The following NR3C2 variants were observed in gnomAD, a reference collection of about 807,000 sequenced individuals.
The protein encoded by NR3C2 is nuclear receptor subfamily 3 group C member 2.
In NR3C2, 15 loss-of-function variants were observed where a neutral mutation model predicts 86.4. That is an observed-to-expected ratio of 0.17 (90% CI 0.12 to 0.27). The LOEUF (loss-of-function observed/expected upper bound fraction) is 0.27. NR3C2 is among the 10% of genes least tolerant of loss of function. The pLI is 1.00. For missense variants in NR3C2, 960 were observed against 1,195.6 expected (o/e 0.80, Z 2.91); for synonymous variants, 458 against 450.5 (o/e 1.02, Z -0.21).
chr4:148,204,054 C>A (rs936913598), intron 3 of NR3C2, among the ~76,000 whole-genome samples: 2 of 152,126 alleles, frequency 1.3e-5, no homozygotes, highest in Non-Finnish European at 1.5e-5. Flanking sequence ...AAAATTCCCA[C>A]ATAAACATTC....
At chr4:148,303,225 T>C (rs910590400) in intron 2 of NR3C2, among the ~76,000 whole-genome samples, 1 of 152,222 alleles carries the variant, frequency 6.6e-6, no homozygotes, top group Non-Finnish European at 1.5e-5. Context: ...TTAGTTGTTT[T>C]TAAGTTTTTG....
intron 4 of NR3C2, among the ~76,000 whole-genome samples, chr4:148,186,074 C>T (rs1214492244): frequency 6.6e-6 from 1 of 152,150 alleles, no homozygotes; most frequent in Non-Finnish European, 1.5e-5. Context: ...AATTTATTCT[C>T]CCACCTGAAA....
At chr4:148,259,628 A>C (rs573028558) in intron 3 of NR3C2, among the ~76,000 whole-genome samples, 4 of 152,332 alleles carry the variant, frequency 2.6e-5, no homozygotes, top group African/African-American at 9.6e-5. Context: ...AAAGGCAGAA[A>C]TCATGTATTC....
intron 2 of NR3C2, among the ~76,000 whole-genome samples, chr4:148,419,395 T>C (rs947471330): frequency 3.3e-5 from 5 of 152,206 alleles, no homozygotes; most frequent in African/African-American, 1.2e-4. Flanking sequence ...TGTGCAAGTA[T>C]GTATAGCGTC....
chr4:148,163,604 CT>C (rs1031848782), intron 4 of NR3C2, among the ~76,000 whole-genome samples: 7 of 150,580 alleles, frequency 4.6e-5, no homozygotes, highest in African/African-American at 1.5e-4. Flanking sequence ...CCCCACCCTC[CT>C]TTTTTTGAAA....
intron 3 of NR3C2, among the ~76,000 whole-genome samples, chr4:148,227,120 G>T (rs904808272): frequency 1.3e-5 from 2 of 152,026 alleles, no homozygotes; most frequent in African/African-American, 4.8e-5. Flanking sequence ...TTCATCGGTT[G>T]TCCACCTATG....
At chr4:148,409,644 T>C (rs1232673541) in intron 2 of NR3C2, among the ~76,000 whole-genome samples, 2 of 152,106 alleles carry the variant, frequency 1.3e-5, no homozygotes, top group African/African-American at 4.8e-5. Flanking sequence ...TCCAAGTTAG[T>C]TGTTTGAAAA....
intron 2 of NR3C2, among the ~76,000 whole-genome samples, chr4:148,421,072 T>C (rs1295169616): frequency 6.6e-6 from 1 of 152,228 alleles, no homozygotes; most frequent in African/African-American, 2.4e-5. Flanking sequence ...GTCAAGTGTT[T>C]ATATAAATGC....
intron 4 of NR3C2, among the ~76,000 whole-genome samples, chr4:148,183,757 T>C (rs1735751655): frequency 6.6e-6 from 1 of 152,164 alleles, no homozygotes; most frequent in African/African-American, 2.4e-5. Context: ...ATTCAATCAA[T>C]AGCCAGTGAA....
chr4:148,430,336 T>C (rs1279094157), intron 2 of NR3C2, among the ~76,000 whole-genome samples: 2 of 152,138 alleles, frequency 1.3e-5, no homozygotes, highest in East Asian at 1.9e-4. Flanking sequence ...TACTGACATA[T>C]AAACCTACGA....
chr4:148,160,727 T>C (rs72945938), intron 4 of NR3C2, among the ~76,000 whole-genome samples: 3,033 of 152,288 alleles, frequency 0.02, 86 homozygotes, highest in African/African-American at 0.07. Flanking sequence ...ATATATTTTC[T>C]GTTCATAGGC....
intron 2 of NR3C2, among the ~76,000 whole-genome samples, chr4:148,333,326 G>A (rs563037609): frequency 1.3e-5 from 2 of 152,218 alleles, no homozygotes; most frequent in East Asian, 1.9e-4. Context: ...TCTCATTTTT[G>A]TATCATCAAC....
At chr4:148,146,943 GA>G (rs72653809) in intron 6 of NR3C2, among the ~76,000 whole-genome samples, 6 of 150,632 alleles carry the variant, frequency 4.0e-5, no homozygotes, top group African/African-American at 1.5e-4. Context: ...TATAAAAAAA[GA>G]AAAAAAAAGT....
At chr4:148,325,309 C>A (rs1391851294) in intron 2 of NR3C2, among the ~76,000 whole-genome samples, 1 of 152,218 alleles carries the variant, frequency 6.6e-6, no homozygotes, top group East Asian at 1.9e-4. Flanking sequence ...TTACATACTA[C>A]ATATTACAAT....
intron 2 of NR3C2, among the ~76,000 whole-genome samples, chr4:148,284,674 A>T (rs1741427465): frequency 1.3e-5 from 2 of 152,128 alleles, no homozygotes; most frequent in East Asian, 3.9e-4. Context: ...TTGTGAGCCA[A>T]GCTTTATGTT....
intron 2 of NR3C2, among the ~76,000 whole-genome samples, chr4:148,324,339 GTGTGTGTGTGTGTGTGTGTGTGTGTGTT>G (rs1378291941): frequency 1.3e-5 from 1 of 78,262 alleles, no homozygotes; most frequent in Non-Finnish European, 2.4e-5. Flanking sequence ...CTCTGTGTGT[GTGTGTGTGTGTGTGTGTGTGTGTGTGTT>G]TGTGTGTGTG....
intron 3 of NR3C2, among the ~76,000 whole-genome samples, chr4:148,236,516 A>G (rs1738757975): frequency 6.6e-6 from 1 of 152,060 alleles, no homozygotes; most frequent in Admixed American, 6.6e-5. Flanking sequence ...TACAATTAGC[A>G]ACTGATACTC....
intron 6 of NR3C2, among the ~76,000 whole-genome samples, chr4:148,147,149 T>C (rs576240019): frequency 6.6e-6 from 1 of 152,258 alleles, no homozygotes; most frequent in Non-Finnish European, 1.5e-5. Context: ...TTAACTAATA[T>C]CTTCACCCCA....
At chr4:148,377,172 G>T (rs1411502941) in intron 2 of NR3C2, among the ~76,000 whole-genome samples, 2 of 152,158 alleles carry the variant, frequency 1.3e-5, no homozygotes, top group Non-Finnish European at 2.9e-5. Flanking sequence ...GATAGTGATT[G>T]TTGCTAAAGA....
Sources: allele counts gnomAD v4.1 joint callset (sites outside exome capture counted in the v4.1 genomes callset), GRCh38; gene constraint gnomAD v4.1.1; transcripts MANE v1.5; gene names NCBI Gene and HGNC (gene_info 2026-07-23, HGNC 2026-07-21).